SPTB: variants seen among roughly 807,000 people sequenced by gnomAD.
SPTB encodes spectrin beta chain, erythrocytic.
Under a neutral mutation model 256.2 loss-of-function variants are expected in SPTB, and 45 were observed. The ratio of observed to expected loss-of-function variants is 0.18; its 90% CI spans 0.14 to 0.23. The LOEUF is 0.23. SPTB is among the 10% of genes least tolerant of loss of function. SPTB has a pLI of 1.00. For synonymous variants in SPTB, 1,231 were observed against 1,243.1 expected (o/e 0.99, Z 0.21); for missense variants, 2,715 against 3,040.4 (o/e 0.89, Z 2.52).
intron 1 of SPTB, among the ~76,000 whole-genome samples, chr14:64,877,887 C>G (rs962656055): frequency 2.6e-5 from 4 of 152,178 alleles, no homozygotes; most frequent in South Asian, 2.1e-4. Context: ...ATCTAGCAGG[C>G]GTTCTGCTAT....
intron 3 of SPTB, among the ~76,000 whole-genome samples, chr14:64,804,386 C>T (rs1206894143): frequency 2.6e-5 from 4 of 152,356 alleles, no homozygotes; most frequent in Middle Eastern, 6.8e-3. Flanking sequence ...TCATTGCCCT[C>T]ATTTTACACA....
At chr14:64,814,443 T>C (rs1181207454) in intron 2 of SPTB, among the ~76,000 whole-genome samples, 1 of 152,196 alleles carries the variant, frequency 6.6e-6, no homozygotes, top group East Asian at 1.9e-4. Flanking sequence ...GTTTTTCTCA[T>C]ATTTTCTATA....
In SPTB at chr14:64,767,710, T is replaced by C; in HGVS notation, c.6172A>G (p.Thr2058Ala). The C allele has an allele frequency of 1.2e-6, 2 of 1,614,216 alleles. No individual in the cohort carries two copies. Among genetic ancestry groups the C allele is most frequent in the Non-Finnish European group, 1.7e-6 (2 of 1,180,030 alleles). ...IKRHEAFEKS[T>A]ASWAERFAAL... Reference sequence around the variant, plus strand: ...GCAAAGCGCTCTGCCCAGCTGGCCGTGGACTTCTCAAAAGCCTCATGCCTC... The same window carrying C: ...GCAAAGCGCTCTGCCCAGCTGGCCGCGGACTTCTCAAAAGCCTCATGCCTC... The change falls in exon 30 of 36, where the codon ACG becomes GCG. Residue 2058 changes from threonine to alanine, a missense_variant. Thr to Ala is a moderately conservative substitution (Grantham distance 58). This residue lies in a region of SPTB where 2,239 missense variants were observed against 2,384.4 expected (regional missense o/e 0.94). Transcript: ENST00000644917.
intron 3 of SPTB, among the ~76,000 whole-genome samples, chr14:64,804,098 C>A (rs1159030474): frequency 6.6e-6 from 1 of 152,198 alleles, no homozygotes; most frequent in East Asian, 1.9e-4. Context: ...TTACCATGTG[C>A]CAGGCACAGT....
At position 64,748,965 on chromosome 14, in the gene SPTB, A is replaced by C; in HGVS notation, c.*341T>G. The stretch of plus-strand genomic sequence containing the variant: ...TTTTTTTTTTTTTTTGGTTGGGGGT[A>C]AGGGGCCTGTGCCCCCTCGGCTCAG... On this transcript the variant is annotated 3_prime_UTR_variant, in exon 36 of 36. Coordinates refer to ENST00000644917, the MANE Select transcript of SPTB (RefSeq NM_001355436.2). 1 of 194,402 alleles carries C rather than the reference A, an allele frequency of 5.1e-6. No individual in the cohort carries two copies. Among genetic ancestry groups the C allele is most frequent in the Non-Finnish European group, 1.0e-5 (1 of 98,136 alleles). 12.0% of individuals were successfully genotyped at this position (194,402 alleles called of 1,614,324 possible).
intron 32 of SPTB, among the ~76,000 whole-genome samples, chr14:64,762,525 C>T (rs2082109335): frequency 6.6e-6 from 1 of 152,218 alleles, no homozygotes; most frequent in Admixed American, 6.5e-5. Flanking sequence ...AGTGCCTGCT[C>T]AGCGCCTCAC....
rs189047934 is a variant in SPTB, at chr14:64,814,819, T to C, written c.148+8128A>G. Among the ~76,000 whole-genome samples the C allele has an allele frequency of 2.8e-4, 43 of 152,380 alleles. No homozygotes were observed. In the East Asian group the frequency reaches 7.9e-3, roughly 28 times the overall value. On this transcript the variant is annotated intron_variant, in intron 2 of 35. Transcript: ENST00000644917. Reference sequence around the variant, plus strand: ...CTGCGTCCAGCTCCTATTGCATTTTTAGATAAAATAGGATCTTTATATATT... The same window carrying C: ...CTGCGTCCAGCTCCTATTGCATTTTCAGATAAAATAGGATCTTTATATATT...
Position 64,821,717 on chromosome 14 carries a change from GAAGA to G in SPTB, c.148+1226_148+1229del, listed in dbSNP as rs1350466294. ...GGAGGGTGAGAAGGAGATAAAGAAAGAAGAAAGAGAGTTTCCTGTAAAGAGCAAG... is the reference window on the plus strand; with the variant it reads ...GGAGGGTGAGAAGGAGATAAAGAAAGAAGAGAGTTTCCTGTAAAGAGCAAG... On this transcript the variant is annotated intron_variant, in intron 2 of 35. Coordinates refer to ENST00000644917, the MANE Select transcript of SPTB (RefSeq NM_001355436.2). Among the ~76,000 whole-genome samples, 3 of 152,238 alleles carry G rather than the reference GAAGA, an allele frequency of 2.0e-5. No individual in the cohort carries two copies. The East Asian group carries it at 5.8e-4, about 29-fold the overall frequency.
At chr14:64,846,892 T>C (rs1385592887) in intron 1 of SPTB, among the ~76,000 whole-genome samples, 1 of 152,074 alleles carries the variant, frequency 6.6e-6, no homozygotes, top group Non-Finnish European at 1.5e-5. Flanking sequence ...AGAGAGAACA[T>C]CAGGAGCTCC....
At chr14:64,850,862 T>G (rs2083772525) in intron 1 of SPTB, among the ~76,000 whole-genome samples, 1 of 152,214 alleles carries the variant, frequency 6.6e-6, no homozygotes, top group Admixed American at 6.5e-5. Context: ...TTTGATGTAC[T>G]CCCATTCTCA....
chr14:64,822,374 T>TCTCTCTCACACA (rs1365655327), intron 2 of SPTB, among the ~76,000 whole-genome samples: 1 of 1,016 alleles, frequency 9.8e-4, no homozygotes, highest in Non-Finnish European at 1.6e-3. Flanking sequence ...TCTCTCTCTC[T>TCTCTCTCACACA]CACACACACA....
Position 64,753,561 on chromosome 14 carries a change from C to T in SPTB, c.6578G>A (p.Gly2193Glu), listed in dbSNP as rs757383953. The change falls in exon 33 of 36, where the codon GGG becomes GAG. Residue 2193 changes from glycine (G) to glutamate (E), a missense_variant. By Grantham distance (98) the Gly-to-Glu change is moderately conservative (BLOSUM62 -2). Around this residue, in one of 4 missense-constraint regions of SPTB, gnomAD observed 2,239 missense variants for 2,384.4 expected, o/e 0.94. Coordinates refer to ENST00000644917, the MANE Select transcript of SPTB (RefSeq NM_001355436.2). ...GYLGRKHDLEGPNKKASNRSW... is the reference protein window; with the variant it reads ...GYLGRKHDLEEPNKKASNRSW... ...CCTGTTGGAAGCCTTCTTGTTGGGCCCCTCCAGGTCATGCTTGCGGCCCAG... is the reference window on the plus strand; with the variant it reads ...CCTGTTGGAAGCCTTCTTGTTGGGCTCCTCCAGGTCATGCTTGCGGCCCAG... 9.9e-6 allele frequency: 16 copies of T among 1,613,362 alleles called. No individual in the cohort carries two copies. The highest frequency in any genetic ancestry group is 2.2e-5 in the East Asian group (1 of 44,882).
At chr14:64,860,646 A>G (rs1382522812) in intron 1 of SPTB, among the ~76,000 whole-genome samples, 1 of 152,220 alleles carries the variant, frequency 6.6e-6, no homozygotes, top group Non-Finnish European at 1.5e-5. Flanking sequence ...GACAGGTGCA[A>G]TAAGTTCATC....
chr14:64,766,912 C>G (rs759822667), intron 31 of SPTB, 111 bp from the exon 32 acceptor site: 2 of 1,345,344 alleles, frequency 1.5e-6, no homozygotes, highest in Non-Finnish European at 2.1e-6. Flanking sequence ...AAATAGCTCC[C>G]CCTCCAGTCA....
rs2082290974 is a variant in SPTB at position 64,772,455 on chromosome 14, C to T, written c.5553+125G>A. ...ACTGCTCCCAGCCCTGAGCTCCTGG[C>T]TGTCTAAGGAGGCAAAACCTCCTGG... On this transcript the variant is annotated intron_variant, in intron 26 of 35. Coordinates refer to ENST00000644917, the MANE Select transcript of SPTB (RefSeq NM_001355436.2). The surrounding 1 kb of genome is among the most constrained non-coding windows in gnomAD (Gnocchi z 5.4). 1.5e-6 allele frequency: 2 copies of T among 1,319,220 alleles called. No homozygotes were observed. The highest frequency in any genetic ancestry group is 1.4e-5 in the South Asian group (1 of 71,456). 81.7% of individuals were successfully genotyped at this position (1,319,220 alleles called of 1,614,324 possible).
Position 64,816,605 on chromosome 14 carries a change from A to G in SPTB, c.148+6342T>C, listed in dbSNP as rs567410944. Among the ~76,000 whole-genome samples the G allele has an allele frequency of 1.1e-4, 16 of 152,280 alleles. No individual in the cohort carries two copies. The South Asian group carries it at 3.1e-3, about 30-fold the overall frequency. ...ACATAGACACGTGTGGGATTATTTG[A>G]TCTACCTCTGTCTCACTAGACTGTA... On this transcript the variant is annotated intron_variant, in intron 2 of 35. Transcript: ENST00000644917. This position sits in a 1 kb window ranked among gnomAD's most constrained non-coding sequence, Gnocchi z 4.2.
chr14:64,766,849 C>T (rs2082192504), intron 31 of SPTB, 48 bp from the exon 32 acceptor site: 1 of 1,602,564 alleles, frequency 6.2e-7, no homozygotes, highest in African/African-American at 1.3e-5. Context: ...CCTCTGAGGC[C>T]AGTGCCTCCT....
At chr14:64,800,082 C>A in intron 8 of SPTB, 148 bp from the exon 9 acceptor site, 1 of 955,440 alleles carries the variant, frequency 1.0e-6, no homozygotes, top group Non-Finnish European at 1.6e-6. Flanking sequence ...TCCCTGAGCC[C>A]AAGTGTGCTG....
rs1204979677 is a variant in SPTB, at chr14:64,823,672, G to T, written c.-51-527C>A. ...ATGAGAGAGTTAAGCCGCCACTGAC[G>T]CCACCAGCCCGGGGCAGCTGCACTG... On this transcript the variant is annotated intron_variant, in intron 1 of 35. Coordinates refer to ENST00000644917, the MANE Select transcript of SPTB (RefSeq NM_001355436.2). This position sits in a 1 kb window ranked among gnomAD's most constrained non-coding sequence, Gnocchi z 6.5. Among the ~76,000 whole-genome samples the T allele has an allele frequency of 1.3e-5, 2 of 152,180 alleles. No homozygotes were observed. The highest frequency in any genetic ancestry group is 2.9e-5 in the Non-Finnish European group (2 of 68,028).
Sources: gnomAD v4.1 joint callset for allele counts (sites outside exome capture counted in the v4.1 genomes callset) on GRCh38, gnomAD v4.1.1 for gene constraint, gnomAD v4.1.1 regional missense constraint, Gnocchi (gnomAD v3.1) non-coding constraint, MANE v1.5 for transcripts, NCBI Gene and HGNC (gene_info 2026-07-23, HGNC 2026-07-21) for gene names.